CARMIL1: variants seen among roughly 807,000 people sequenced by gnomAD.
The protein encoded by CARMIL1 is capping protein regulator and myosin 1 linker 1.
In CARMIL1, 90 loss-of-function variants were observed where a neutral mutation model predicts 177.1. The observed-to-expected ratio is 0.51, with a 90% confidence interval of 0.43 to 0.61. The LOEUF (loss-of-function observed/expected upper bound fraction) is 0.61, where lower values mean the gene tolerates loss of function less well. CARMIL1 is among the 20% of genes least tolerant of loss of function. The pLI is 0.00. For missense variants in CARMIL1, 1,380 were observed against 1,667.0 expected (o/e 0.83, Z 3.00); for synonymous variants, 577 against 606.2 (o/e 0.95, Z 0.71).
chr6:25,450,535 T>C, intron 7 of CARMIL1, 103 bp from the exon 8 acceptor site: 1 of 1,102,466 alleles, frequency 9.1e-7, no homozygotes, highest in East Asian at 2.5e-5. Context: ...CTTCTCAGAT[T>C]ACATAAAAAC....
intron 31 of CARMIL1, among the ~76,000 whole-genome samples, chr6:25,586,073 G>C (rs1813628266): frequency 6.6e-6 from 1 of 151,124 alleles, no homozygotes; most frequent in Admixed American, 6.6e-5. Flanking sequence ...AAACCTCCCA[G>C]ACGGGGTGGC....
At chr6:25,364,154 C>A (rs970856170) in intron 2 of CARMIL1, among the ~76,000 whole-genome samples, 1 of 151,754 alleles carries the variant, frequency 6.6e-6, no homozygotes, top group Non-Finnish European at 1.5e-5. Context: ...TATGTTGCCT[C>A]GGCTGGTCTT....
chr6:25,434,849 C>T (rs183390736), intron 4 of CARMIL1, among the ~76,000 whole-genome samples: 199 of 152,202 alleles, frequency 1.3e-3, no homozygotes, highest in African/African-American at 4.3e-3. Context: ...TGTGCCCTGC[C>T]GATCGAAACT....
chr6:25,360,514 C>CT (rs58286040), intron 2 of CARMIL1, among the ~76,000 whole-genome samples: 3 of 152,152 alleles, frequency 2.0e-5, no homozygotes, highest in Admixed American at 6.5e-5. Flanking sequence ...ACCTTACATA[C>CT]TTTTTTTGTT....
At chr6:25,452,093 C>A (rs774672272) in intron 8 of CARMIL1, 2 of 736,540 alleles carry the variant, frequency 2.7e-6, no homozygotes, top group South Asian at 1.3e-5. Flanking sequence ...CCAACTGAAT[C>A]GGCCAGGGAA....
chr6:25,487,542 C>A (rs893286106), intron 12 of CARMIL1, among the ~76,000 whole-genome samples: 7 of 152,036 alleles, frequency 4.6e-5, no homozygotes, highest in Admixed American at 1.3e-4. Flanking sequence ...AATTTGGAAC[C>A]ATGGACTTTT....
intron 2 of CARMIL1, among the ~76,000 whole-genome samples, chr6:25,305,097 C>G (rs992852435): frequency 6.6e-6 from 1 of 152,178 alleles, no homozygotes; most frequent in Non-Finnish European, 1.5e-5. Flanking sequence ...GAAGAATTAT[C>G]TTCCTGCTGT....
intron 2 of CARMIL1, 139 bp from the exon 3 acceptor site, chr6:25,419,975 C>A: frequency 1.5e-6 from 1 of 687,894 alleles, no homozygotes; most frequent in South Asian, 1.8e-5. Flanking sequence ...TGTCCCAGCT[C>A]GTAATTCTTC....
At chr6:25,478,652 C>T (rs759946946) in intron 11 of CARMIL1, among the ~76,000 whole-genome samples, 8 of 151,970 alleles carry the variant, frequency 5.3e-5, no homozygotes, top group African/African-American at 1.7e-4. Context: ...AAAAATTAGC[C>T]GAGCGTGGTG....
Position 25,554,112 on chromosome 6 carries a change from A to G in CARMIL1, c.2592+16A>G. On this transcript the variant is annotated intron_variant, in intron 28 of 36. Coordinates refer to ENST00000329474, the MANE Select transcript of CARMIL1 (RefSeq NM_017640.6). This position sits in a 1 kb window ranked among gnomAD's most constrained non-coding sequence, Gnocchi z 4.6. ...TCATAAACTGGTGAGTGCTGTGCAC[A>G]TCTTGAGCAGGACCTCCTGTTTCAG... 1 of 1,558,934 alleles carries G rather than the reference A, an allele frequency of 6.4e-7. No individual in the cohort carries two copies. The highest frequency in any genetic ancestry group is 8.7e-7 in the Non-Finnish European group (1 of 1,144,216).
chr6:25,403,584 G>C (rs1362454104), intron 2 of CARMIL1, among the ~76,000 whole-genome samples: 1 of 151,882 alleles, frequency 6.6e-6, no homozygotes, highest in Non-Finnish European at 1.5e-5. Flanking sequence ...TTTTTCAATT[G>C]CTGCAGGCAT....
chr6:25,479,245 T>C (rs1801869927), intron 11 of CARMIL1: 4 of 518,958 alleles, frequency 7.7e-6, no homozygotes, highest in Non-Finnish European at 1.5e-5. Flanking sequence ...TCATGATGGA[T>C]GAGCTTTGCC....
chr6:25,376,365 C>A, intron 2 of CARMIL1, among the ~76,000 whole-genome samples: 1 of 152,330 alleles, frequency 6.6e-6, no homozygotes. Flanking sequence ...TAGGCATGAG[C>A]CACCGTATCT....
Position 25,509,860 on chromosome 6 carries a change from G to C in CARMIL1, c.1477+123G>C. ...ATAAAAAAATTGTTTTTTATTTTTT[G>C]ACTAATAGGGCTTTTAAATTTAACA... On this transcript the variant is annotated intron_variant, in intron 18 of 36. Coordinates refer to ENST00000329474, the MANE Select transcript of CARMIL1 (RefSeq NM_017640.6). This position sits in a 1 kb window ranked among gnomAD's most constrained non-coding sequence, Gnocchi z 4.1. 1 of 645,674 alleles carries C rather than the reference G, an allele frequency of 1.5e-6. No homozygotes were observed. Among genetic ancestry groups the C allele is most frequent in the Non-Finnish European group, 2.6e-6 (1 of 379,144 alleles). 40.0% of individuals were successfully genotyped at this position (645,674 alleles called of 1,614,324 possible). A position where few individuals can be genotyped will look rare whatever the true frequency, so the allele number is the denominator to read the frequency against.
chr6:25,570,227 G>A (rs1811954677), intron 29 of CARMIL1, among the ~76,000 whole-genome samples: 1 of 152,312 alleles, frequency 6.6e-6, no homozygotes, highest in African/African-American at 2.4e-5. Flanking sequence ...GCCTCCCAAA[G>A]TGCTGGGATT....
At chr6:25,562,353 T>C (rs977075142) in intron 29 of CARMIL1, among the ~76,000 whole-genome samples, 1 of 151,982 alleles carries the variant, frequency 6.6e-6, no homozygotes, top group Non-Finnish European at 1.5e-5. Flanking sequence ...GTTCAAGCAA[T>C]TGTCCTGCCT....
At chr6:25,581,531 C>T in intron 31 of CARMIL1, 92 bp downstream of exon 31, 9 of 1,179,040 alleles carry the variant, frequency 7.6e-6, no homozygotes, top group Non-Finnish European at 1.1e-5. Flanking sequence ...TTTGCACAAA[C>T]ATGAAAGCTA....
rs183506636 is a variant in CARMIL1 at position 25,465,997 on chromosome 6, A to G, written c.690+49A>G. ...ATGTTGCTTGGCTTTGCTGAATTTC[A>G]AAAACCCAATAATTGTGGGAAAAAA... On this transcript the variant is annotated intron_variant, in intron 9 of 36. Transcript: ENST00000329474. The G allele has an allele frequency of 5.4e-5, 76 of 1,400,354 alleles. 1 individual carries two copies. The South Asian group carries it at 7.1e-4, about 13-fold the overall frequency. The allele number at this position is 1,400,354 out of a possible 1,614,324, so 86.7% of individuals were successfully genotyped here.
intron 2 of CARMIL1, among the ~76,000 whole-genome samples, chr6:25,378,792 G>GAAA (rs36039602): frequency 0.17 from 26,349 of 150,744 alleles, 2,563 homozygotes; most frequent in African/African-American, 0.24. Context: ...GTTTTTTCCT[G>GAAA]AAAAAAAAAT....
Sources: gnomAD v4.1 joint callset for allele counts (sites outside exome capture counted in the v4.1 genomes callset) on GRCh38, gnomAD v4.1.1 for gene constraint, Gnocchi (gnomAD v3.1) non-coding constraint, MANE v1.5 for transcripts, NCBI Gene and HGNC (gene_info 2026-07-23, HGNC 2026-07-21) for gene names.